Variants in PKN2 observed in about 807,000 individuals in gnomAD.
PKN2 encodes the protein serine/threonine-protein kinase N2.
A neutral mutation model predicts 119.1 loss-of-function variants in PKN2; 38 were observed. That is an observed-to-expected ratio of 0.32 (90% confidence interval 0.25 to 0.42). The LOEUF is 0.42. Ranked by LOEUF, PKN2 falls within the 10% of genes least tolerant of loss-of-function variation. PKN2 has a pLI of 1.00. For synonymous variants in PKN2, 390 were observed against 384.9 expected (o/e 1.01, Z -0.15); for missense variants, 850 against 1,165.1 (o/e 0.73, Z 3.94).
chr1:88,738,961 A>T (rs765476377), intron 1 of PKN2, among the ~76,000 whole-genome samples: 3 of 152,216 alleles, frequency 2.0e-5, no homozygotes, highest in Non-Finnish European at 4.4e-5. Context: ...CGTAGGACTT[A>T]TATTCCATTA....
chr1:88,780,761 A>T (rs1162563932), intron 6 of PKN2, among the ~76,000 whole-genome samples: 2 of 152,204 alleles, frequency 1.3e-5, no homozygotes, highest in Non-Finnish European at 2.9e-5. Context: ...TTTTGGCTCA[A>T]TGCTGAACAC....
chr1:88,736,069 C>CA (rs1418220326), intron 1 of PKN2, among the ~76,000 whole-genome samples: 1 of 152,086 alleles, frequency 6.6e-6, no homozygotes, highest in African/African-American at 2.4e-5. Flanking sequence ...TTTCAAATAG[C>CA]TTGTCTTCAA....
Position 88,805,594 on chromosome 1 carries a change from C to T in PKN2, c.1599C>T (p.Thr533=), listed in dbSNP as rs750425703. 2 of 1,613,888 alleles carry T rather than the reference C, an allele frequency of 1.2e-6. No homozygotes were observed. The highest frequency in any genetic ancestry group is 4.5e-5 in the East Asian group (2 of 44,876). The change falls in exon 11 of 22, where the codon ACC becomes ACT. Residue 533 remains threonine (T), a synonymous_variant. Transcript: ENST00000370521. The part of the protein sequence containing the change: ...RAIPTVNHSG[T]FSPQAPVPTT... ...TTCCTACAGTAAATCATTCTGGCAC[C>T]TTCAGCCCTCAAGCTCCTGTGCCTA...
intron 6 of PKN2, among the ~76,000 whole-genome samples, chr1:88,784,259 G>A (rs1557608989): frequency 1.3e-5 from 2 of 150,962 alleles, no homozygotes; most frequent in Admixed American, 6.6e-5. Context: ...GGATAGCTGG[G>A]ACTACAGGCG....
At chr1:88,700,365 T>G (rs1666725311) in intron 1 of PKN2, among the ~76,000 whole-genome samples, 1 of 152,158 alleles carries the variant, frequency 6.6e-6, no homozygotes, top group African/African-American at 2.4e-5. Flanking sequence ...AAAAAGTCAG[T>G]CATAAAGCCT....
rs776454578 is a variant in PKN2 at position 88,833,375 on chromosome 1, G to A, written c.2882G>A (p.Arg961Gln). 5.6e-6 allele frequency: 9 copies of A among 1,613,268 alleles called. No homozygotes were observed. Among genetic ancestry groups the A allele is most frequent in the African/African-American group, 1.3e-5 (1 of 74,878 alleles). Reference protein sequence around the residue: ...TSEAPILTPPREPRILSEEEQ... With the variant: ...TSEAPILTPPQEPRILSEEEQ... Reference sequence around the variant, plus strand: ...GAAGCACCTATTCTGACTCCACCTCGAGAACCAAGGATACTTTCGGAAGAG... The same window carrying A: ...GAAGCACCTATTCTGACTCCACCTCAAGAACCAAGGATACTTTCGGAAGAG... Residue 961 changes from arginine to glutamine, a missense_variant, in exon 22 of 22, where the codon CGA (arginine) becomes CAA (glutamine). Physicochemically the swap from Arg to Gln is conservative, Grantham distance 43. This residue lies in a region of PKN2 where 52 missense variants were observed against 39.9 expected (regional missense o/e 1.30). Transcript: ENST00000370521.
intron 1 of PKN2, among the ~76,000 whole-genome samples, chr1:88,714,416 A>G (rs1667365222): frequency 6.6e-6 from 1 of 152,220 alleles, no homozygotes; most frequent in Admixed American, 6.5e-5. Flanking sequence ...ATCCATGAGC[A>G]TGGAACGTTC....
rs988119988 is a variant in PKN2, at chr1:88,805,519, T to C, written c.1524T>C (p.Pro508=). The C allele has an allele frequency of 1.1e-5, 18 of 1,611,100 alleles. No homozygotes were observed. In the African/African-American group the frequency reaches 2.4e-4, roughly 22 times the overall value. The change falls in exon 11 of 22, where the codon CCT becomes CCC. Residue 508 remains proline, a synonymous_variant. Coordinates refer to ENST00000370521, the MANE Select transcript of PKN2 (RefSeq NM_006256.4). ...CAGGCAAAACATTTCTCAGAGCTCC[T>C]CAAATGAATATTAATATTGCCACTT... is the stretch of plus-strand genomic sequence containing the variant. ...KQQGKTFLRA[P]QMNINIATWG... is the part of the protein sequence containing the mutation.
intron 8 of PKN2, among the ~76,000 whole-genome samples, chr1:88,800,034 G>T (rs560467325): frequency 2.6e-5 from 4 of 152,212 alleles, no homozygotes; most frequent in African/African-American, 9.6e-5. Flanking sequence ...TTTTTTAGTG[G>T]CAACAGAAAG....
In PKN2 at chr1:88,684,641, GC is replaced by G. The variant is rs1186858248; in HGVS notation, c.48+16del. On this transcript the variant is annotated intron_variant, in intron 1 of 21. Coordinates refer to ENST00000370521, the MANE Select transcript of PKN2 (RefSeq NM_006256.4). ...CACGGAACTGCAGGTAAGGGCCGCG[GC>G]CCTGGTGAGAGGCGCTGGCGGAGGA... 5 of 1,532,026 alleles carry G rather than the reference GC, an allele frequency of 3.3e-6. No individual in the cohort carries two copies. The South Asian group carries it at 6.1e-5, about 19-fold the overall frequency. 94.9% of individuals were successfully genotyped at this position (1,532,026 alleles called of 1,614,324 possible).
At chr1:88,789,574 C>G (rs1468043066) in intron 8 of PKN2, among the ~76,000 whole-genome samples, 1 of 151,888 alleles carries the variant, frequency 6.6e-6, no homozygotes, top group Non-Finnish European at 1.5e-5. Context: ...GAGGCTGAGA[C>G]TCTGCTTAAA....
At chr1:88,817,903 T>A (rs981977231) in intron 16 of PKN2, among the ~76,000 whole-genome samples, 10 of 152,124 alleles carry the variant, frequency 6.6e-5, no homozygotes, top group Non-Finnish European at 1.2e-4. Flanking sequence ...AAAGAAAGTT[T>A]ATTAAAATAG....
chr1:88,789,793 A>T (rs1670740023), intron 8 of PKN2, among the ~76,000 whole-genome samples: 1 of 152,038 alleles, frequency 6.6e-6, no homozygotes, highest in Admixed American at 6.6e-5. Flanking sequence ...GAAGATTGGA[A>T]TTTAACTTTT....
At position 88,823,411 on chromosome 1, in the gene PKN2, G is replaced by A. The variant is rs115637616; in HGVS notation, c.2343-899G>A. 9.3e-3 allele frequency among the ~76,000 whole-genome samples: 1,411 copies of A among 151,814 alleles called. 27 individuals carry two copies. Among genetic ancestry groups the A allele is most frequent in the African/African-American group, 0.032 (1,341 of 41,432 alleles). ...GGTATATAAGCAAACTTTAAAACTG[G>A]ATTAAGTTGGCCAGGTGCAGTGGCT... On this transcript the variant is annotated intron_variant, in intron 17 of 21. Transcript: ENST00000370521.
rs753441599 is a variant in PKN2, at chr1:88,822,008, GTTAA to G, written c.2342+8_2342+11del. ...TGAACACAAAATTGTTTATAGGTAA[GTTAA>G]TTTTTAATTTTTTCTAATGGCTTGC... is the stretch of plus-strand genomic sequence containing the variant. On this transcript the variant is annotated splice_donor_region_variant and intron_variant, in intron 17 of 21. Transcript: ENST00000370521. The G allele has an allele frequency of 2.4e-5, 37 of 1,545,630 alleles. No individual in the cohort carries two copies. In the African/African-American group the frequency reaches 4.6e-4, roughly 19 times the overall value.
At chr1:88,791,695 G>T (rs3753906) in intron 8 of PKN2, among the ~76,000 whole-genome samples, 6,047 of 152,164 alleles carry the variant, frequency 0.04, 277 homozygotes, top group African/African-American at 0.1. Context: ...AGAAAAGAAG[G>T]AATGGGCTAT....
In PKN2 at chr1:88,807,529, A is replaced by T; in HGVS notation, c.1935A>T (p.Arg645Ser). ...TATTAATTGAAATTTCTCTTTTCAG[A>T]TCTCAGCAAAGGTTTCAGTTTAATC... ...YSGIQELEDR[R>S]SQQRFQFNLQ... The change falls in exon 14 of 22, where the codon AGA (arginine) becomes AGT (serine). Residue 645 changes from arginine (R) to serine (S), a missense_variant and splice_region_variant. Coordinates refer to ENST00000370521, the MANE Select transcript of PKN2 (RefSeq NM_006256.4). 6.2e-7 allele frequency: 1 copy of T among 1,610,892 alleles called. No homozygotes were observed. The highest frequency in any genetic ancestry group is 8.5e-7 in the Non-Finnish European group (1 of 1,178,108).
intron 1 of PKN2, among the ~76,000 whole-genome samples, chr1:88,720,983 A>G (rs983017980): frequency 1.3e-5 from 2 of 152,150 alleles, no homozygotes; most frequent in African/African-American, 4.8e-5. Flanking sequence ...GCTTAGTATC[A>G]TATACACACA....
At chr1:88,805,835 G>C in intron 11 of PKN2, 56 bp from the exon 12 acceptor site, 1 of 1,609,418 alleles carries the variant, frequency 6.2e-7, no homozygotes, top group Non-Finnish European at 8.5e-7. Flanking sequence ...TTTTAAAGCT[G>C]TTTAAAATAC....
Sources: allele counts gnomAD v4.1 joint callset (sites outside exome capture counted in the v4.1 genomes callset), GRCh38; gene constraint gnomAD v4.1.1; regional missense constraint gnomAD v4.1.1; transcripts MANE v1.5; gene names NCBI Gene and HGNC (gene_info 2026-07-23, HGNC 2026-07-21).